Variants in ZBTB20 observed in about 807,000 individuals in gnomAD.
ZBTB20 encodes zinc finger and BTB domain-containing protein 20.
Under a neutral mutation model 56.9 loss-of-function variants are expected in ZBTB20, and 9 were observed. The ratio of observed to expected loss-of-function variants is 0.16; its 90% confidence interval spans 0.10 to 0.28. The LOEUF is 0.28. Among genes scored for constraint, ZBTB20 ranks in the 10% least tolerant of loss-of-function variants. The probability of loss-of-function intolerance (pLI) is 1.00; values close to 1 mark genes in which losing one functional copy is unlikely to be tolerated. For missense variants in ZBTB20, 655 were observed against 1,003.0 expected (o/e 0.65, Z 4.69); for synonymous variants, 417 against 420.7 (o/e 0.99, Z 0.11).
At chr3:114,505,363 C>CAAA (rs2044483565) in intron 6 of ZBTB20, among the ~76,000 whole-genome samples, 1 of 152,114 alleles carries the variant, frequency 6.6e-6, no homozygotes, top group Admixed American at 6.6e-5. Context: ...AAATTGGTTA[C>CAAA]TTTCAGCATT....
intron 2 of ZBTB20, among the ~76,000 whole-genome samples, chr3:115,053,458 C>T (rs1022793649): frequency 2.0e-5 from 3 of 152,132 alleles, no homozygotes; most frequent in Admixed American, 6.5e-5. Context: ...GGGATGGAAG[C>T]CAACCATAAC....
intron 5 of ZBTB20, among the ~76,000 whole-genome samples, chr3:114,773,534 C>A (rs1337390514): frequency 6.6e-6 from 1 of 152,130 alleles, no homozygotes; most frequent in Non-Finnish European, 1.5e-5. Flanking sequence ...GGAAAAAGAA[C>A]ACAGGGAGTG....
intron 5 of ZBTB20, among the ~76,000 whole-genome samples, chr3:114,733,406 G>A (rs1348601701): frequency 1.3e-5 from 2 of 152,160 alleles, no homozygotes; most frequent in East Asian, 1.9e-4. Context: ...AATGTGATTT[G>A]GTTGGTGTCA....
intron 1 of ZBTB20, among the ~76,000 whole-genome samples, chr3:115,086,996 C>T (rs1425614509): frequency 6.6e-6 from 1 of 151,736 alleles, no homozygotes; most frequent in East Asian, 1.9e-4. Context: ...TGATCCAAAA[C>T]ATATTCACAA....
At chr3:114,807,565 C>A (rs899465642) in intron 4 of ZBTB20, among the ~76,000 whole-genome samples, 3 of 151,878 alleles carry the variant, frequency 2.0e-5, no homozygotes, top group African/African-American at 7.3e-5. Flanking sequence ...TAAGAACTGA[C>A]AACCTTGCCT....
At chr3:115,001,217 G>A (rs938943118) in intron 2 of ZBTB20, among the ~76,000 whole-genome samples, 1 of 150,948 alleles carries the variant, frequency 6.6e-6, no homozygotes, top group African/African-American at 2.4e-5. Flanking sequence ...GTTAAAATAA[G>A]CACTTTAAAA....
intron 6 of ZBTB20, among the ~76,000 whole-genome samples, chr3:114,567,461 A>T (rs1423446697): frequency 6.6e-6 from 1 of 152,076 alleles, no homozygotes; most frequent in African/African-American, 2.4e-5. Context: ...TCCTTCATAT[A>T]TTGCAATCTT....
At chr3:114,639,206 T>C (rs558121763) in intron 6 of ZBTB20, among the ~76,000 whole-genome samples, 72 of 152,156 alleles carry the variant, frequency 4.7e-4, no homozygotes, top group African/African-American at 1.6e-3. Flanking sequence ...TGGGGAACTG[T>C]TGAGAAGAGA....
intron 2 of ZBTB20, among the ~76,000 whole-genome samples, chr3:115,043,392 CTACTAAA>C (rs1468950339): frequency 2.7e-5 from 4 of 149,504 alleles, no homozygotes; most frequent in Non-Finnish European, 5.9e-5. Context: ...AACCCCATCT[CTACTAAA>C]AACTAAAAAA....
chr3:115,076,631 A>C (rs1369471637), intron 1 of ZBTB20, among the ~76,000 whole-genome samples: 4 of 152,232 alleles, frequency 2.6e-5, no homozygotes, highest in African/African-American at 9.6e-5. Flanking sequence ...AACATTCATC[A>C]TAGTAATAAT....
intron 5 of ZBTB20, among the ~76,000 whole-genome samples, chr3:114,723,075 G>A (rs549635569): frequency 6.6e-6 from 1 of 152,216 alleles, no homozygotes; most frequent in East Asian, 1.9e-4. Context: ...CTGGCTGACT[G>A]GTGTCCCCAA....
At chr3:114,471,081 GTCACA>G (rs1177139471) in intron 7 of ZBTB20, among the ~76,000 whole-genome samples, 1 of 152,112 alleles carries the variant, frequency 6.6e-6, no homozygotes, top group African/African-American at 2.4e-5. Flanking sequence ...TGCTGAAAAG[GTCACA>G]TCCAGGAAAC....
intron 10 of ZBTB20, among the ~76,000 whole-genome samples, chr3:114,376,248 T>C (rs2083611979): frequency 6.6e-6 from 1 of 152,208 alleles, no homozygotes; most frequent in African/African-American, 2.4e-5. Context: ...ATAAAAGCTG[T>C]GCTCCTTTCC....
At chr3:114,578,110 A>G (rs553386414) in intron 6 of ZBTB20, among the ~76,000 whole-genome samples, 37 of 152,258 alleles carry the variant, frequency 2.4e-4, no homozygotes, top group African/African-American at 8.7e-4. Flanking sequence ...AGATAGAAAT[A>G]AAATAAGAAT....
At chr3:114,860,536 G>T (rs899712760) in intron 4 of ZBTB20, among the ~76,000 whole-genome samples, 4 of 152,100 alleles carry the variant, frequency 2.6e-5, no homozygotes, top group Non-Finnish European at 5.9e-5. Context: ...TAACATTAGA[G>T]ATTACGTCAT....
At chr3:114,884,554 T>A (rs1156555321) in intron 4 of ZBTB20, among the ~76,000 whole-genome samples, 1 of 152,140 alleles carries the variant, frequency 6.6e-6, no homozygotes, top group African/African-American at 2.4e-5. Context: ...CAATCAAAGA[T>A]CATCAGTTTC....
At chr3:115,084,355 G>A (rs963253175) in intron 1 of ZBTB20, among the ~76,000 whole-genome samples, 7 of 149,782 alleles carry the variant, frequency 4.7e-5, no homozygotes, top group African/African-American at 7.3e-5. Flanking sequence ...ATTAGTGGTT[G>A]CCTGTCTCAT....
chr3:114,989,352 A>G (rs1035364883), intron 2 of ZBTB20, among the ~76,000 whole-genome samples: 14 of 152,190 alleles, frequency 9.2e-5, no homozygotes, highest in Non-Finnish European at 1.5e-4. Context: ...CATTTATTAA[A>G]TAGGGAATCC....
At chr3:115,045,456 A>G (rs1576639965) in intron 2 of ZBTB20, among the ~76,000 whole-genome samples, 1 of 152,174 alleles carries the variant, frequency 6.6e-6, no homozygotes, top group East Asian at 1.9e-4. Context: ...ATAAAAAGTC[A>G]TATATATTTA....
Sources: gnomAD v4.1 joint callset for allele counts (sites outside exome capture counted in the v4.1 genomes callset) on GRCh38, gnomAD v4.1.1 for gene constraint, MANE v1.5 for transcripts, NCBI Gene and HGNC (gene_info 2026-07-23, HGNC 2026-07-21) for gene names.